Variants in SNX14 observed in about 807,000 individuals in gnomAD.
SNX14 encodes the protein sorting nexin 14.
SNX14 carries 93 observed loss-of-function variants against 133.8 expected under a neutral mutation model. The ratio of observed to expected loss-of-function variants is 0.70; its 90% confidence interval spans 0.59 to 0.83. The LOEUF (loss-of-function observed/expected upper bound fraction) is 0.83, where lower values mean the gene tolerates loss of function less well. Ranked by LOEUF, SNX14 falls within the 40% of genes least tolerant of loss-of-function variation. The pLI is 0.00. For missense variants in SNX14, 945 were observed against 1,094.9 expected (o/e 0.86, Z 1.93); for synonymous variants, 368 against 365.6 (o/e 1.01, Z -0.07).
Position 85,538,831 on chromosome 6 carries a change from G to T in SNX14, c.1475+7C>A. The T allele has an allele frequency of 6.3e-7, 1 of 1,594,434 alleles. No individual in the cohort carries two copies. Among genetic ancestry groups the T allele is most frequent in the South Asian group, 1.1e-5 (1 of 87,660 alleles). ...ATACTGAAAAGAATCACATGCTCAA[G>T]ACTTACCGAAAATCATCCAAACTTA... On this transcript the variant is annotated splice_region_variant and intron_variant, in intron 16 of 28. Transcript: ENST00000314673.
At chr6:85,528,071 T>G (rs1303924422) in intron 20 of SNX14, among the ~76,000 whole-genome samples, 191 bp downstream of exon 20, 3 of 151,990 alleles carry the variant, frequency 2.0e-5, no homozygotes, top group Non-Finnish European at 4.4e-5. Flanking sequence ...TTCATTCAAT[T>G]TGGAGGGAGG....
intron 1 of SNX14, among the ~76,000 whole-genome samples, chr6:85,583,486 T>C (rs1382146689): frequency 1.3e-5 from 2 of 152,204 alleles, no homozygotes; most frequent in Non-Finnish European, 2.9e-5. Flanking sequence ...ATGACATGAT[T>C]GTATATTTAG....
intron 17 of SNX14, among the ~76,000 whole-genome samples, chr6:85,534,825 GGGAAA>G (rs1781376881): frequency 9.8e-6 from 1 of 101,738 alleles, no homozygotes; most frequent in Non-Finnish European, 1.9e-5. Flanking sequence ...GGGGTGAAAA[GGGAAA>G]GTTTTTTTTT....
intron 23 of SNX14, among the ~76,000 whole-genome samples, chr6:85,516,143 T>A (rs190408738): frequency 5.3e-4 from 80 of 152,366 alleles, no homozygotes; most frequent in African/African-American, 1.4e-3. Context: ...ATCTTTATGT[T>A]GCTTTATAGT....
intron 1 of SNX14, among the ~76,000 whole-genome samples, chr6:85,593,089 T>C (rs1424912690): frequency 6.6e-6 from 1 of 152,200 alleles, no homozygotes; most frequent in African/African-American, 2.4e-5. Context: ...ATCTTTATGA[T>C]CGTCTGTTTT....
chr6:85,514,261 C>G lies in SNX14; in HGVS notation c.2393-27G>C, dbSNP rs774741343. The G allele has an allele frequency of 1.9e-6, 3 of 1,587,356 alleles. No individual in the cohort carries two copies. In the Admixed American group the frequency reaches 5.6e-5, roughly 30 times the overall value. On this transcript the variant is annotated intron_variant, in intron 24 of 28. Coordinates refer to ENST00000314673, the MANE Select transcript of SNX14 (RefSeq NM_153816.6). ...TGAGAAAGGATCAAATGGGATACCT[C>G]ATTGTTCCAGATGAATTGGTATTTT...
chr6:85,592,710 C>T (rs966443586), intron 1 of SNX14, among the ~76,000 whole-genome samples: 2 of 151,924 alleles, frequency 1.3e-5, no homozygotes, highest in African/African-American at 4.8e-5. Context: ...AGGGATGTGG[C>T]CGGGTGCGGT....
chr6:85,556,273 T>C (rs558699256), intron 7 of SNX14, among the ~76,000 whole-genome samples: 2 of 151,992 alleles, frequency 1.3e-5, no homozygotes, highest in Non-Finnish European at 2.9e-5. Context: ...AATTAAGTTA[T>C]GTGTACTTGG....
intron 21 of SNX14, among the ~76,000 whole-genome samples, chr6:85,519,642 G>C (rs183868175): frequency 6.6e-6 from 1 of 151,960 alleles, no homozygotes; most frequent in Non-Finnish European, 1.5e-5. Flanking sequence ...AGGCCGAGGC[G>C]GGCGGATCCC....
intron 1 of SNX14, among the ~76,000 whole-genome samples, chr6:85,591,533 G>C (rs1406342413): frequency 1.3e-5 from 2 of 152,128 alleles, no homozygotes; most frequent in Non-Finnish European, 2.9e-5. Context: ...GTACAGGTTA[G>C]ATGGTATACA....
At chr6:85,547,456 A>C (rs1786059262) in intron 10 of SNX14, 50 bp downstream of exon 10, 2 of 1,605,176 alleles carry the variant, frequency 1.2e-6, no homozygotes, top group Non-Finnish European at 1.7e-6. Context: ...GACATACAAA[A>C]TCAAAATTCA....
At chr6:85,542,271 C>T (rs1783993033) in intron 14 of SNX14, among the ~76,000 whole-genome samples, 1 of 152,198 alleles carries the variant, frequency 6.6e-6, no homozygotes, top group South Asian at 2.1e-4. Context: ...CACTGCAGTA[C>T]TACAAAGCCA....
chr6:85,593,807 G>A lies in SNX14; in HGVS notation c.-89C>T. The A allele has an allele frequency of 5.7e-6, 9 of 1,579,368 alleles. No individual in the cohort carries two copies. The highest frequency in any genetic ancestry group is 4.6e-5 in the East Asian group (2 of 43,348). ...CCACACCTCGCGTCCCCGCCCCACCGACTTGGCGGCGCACACAGACGCCTA... is the reference window on the plus strand; with the variant it reads ...CCACACCTCGCGTCCCCGCCCCACCAACTTGGCGGCGCACACAGACGCCTA... On this transcript the variant is annotated 5_prime_UTR_variant, in exon 1 of 29. Transcript: ENST00000314673.
At chr6:85,581,457 C>T (rs1799036079) in intron 1 of SNX14, 1 of 152,184 alleles carries the variant, frequency 6.6e-6, no homozygotes, top group African/African-American at 2.4e-5. Flanking sequence ...CATCCACAAG[C>T]ATCAAGACCA....
At chr6:85,586,458 C>A (rs1337464488) in intron 1 of SNX14, among the ~76,000 whole-genome samples, 1 of 152,160 alleles carries the variant, frequency 6.6e-6, no homozygotes, top group Non-Finnish European at 1.5e-5. Flanking sequence ...CCAATTAGAA[C>A]AACTGCACTA....
chr6:85,507,302 A>G lies in SNX14; in HGVS notation c.2746-13T>C, dbSNP rs762658391. On this transcript the variant is annotated splice_polypyrimidine_tract_variant and intron_variant, in intron 27 of 28. Coordinates refer to ENST00000314673, the MANE Select transcript of SNX14 (RefSeq NM_153816.6). ...AAACATAAGTCAGCTAAAGCACCAAAAAATAATAATAATAAATGTTAAGGC... is the reference window on the plus strand; with the variant it reads ...AAACATAAGTCAGCTAAAGCACCAAGAAATAATAATAATAAATGTTAAGGC... The G allele has an allele frequency of 9.4e-6, 15 of 1,596,814 alleles. No homozygotes were observed. The African/African-American group carries it at 1.5e-4, about 16-fold the overall frequency.
At chr6:85,577,248 T>C (rs1393891912) in intron 1 of SNX14, among the ~76,000 whole-genome samples, 1 of 151,946 alleles carries the variant, frequency 6.6e-6, no homozygotes, top group Non-Finnish European at 1.5e-5. Context: ...ACCGCATCTC[T>C]ACTAAAAATA....
chr6:85,558,168 A>G, intron 6 of SNX14, 108 bp from the exon 7 acceptor site: 1 of 618,746 alleles, frequency 1.6e-6, no homozygotes. Context: ...AGAAGTATTC[A>G]GAATCTTTCA....
chr6:85,547,515 A>C lies in SNX14; in HGVS notation c.903T>G (p.Asp301Glu), dbSNP rs1786095145. ...TATATTCAATACTCACTGGACTGTC[A>C]TCTATGAAGATGATAAGCAAATGAT... ...TVNHLLIIFI[D>E]DSPPEKATEP... Residue 301 changes from aspartate (D) to glutamate (E), a missense_variant, in exon 10 of 29, where the codon GAT becomes GAG. Asp to Glu is a conservative substitution (Grantham distance 45). Around this residue, in one of 3 missense-constraint regions of SNX14, gnomAD observed 514 missense variants for 538.8 expected, o/e 0.95. Transcript: ENST00000314673. 2 of 1,603,066 alleles carry C rather than the reference A, an allele frequency of 1.2e-6. No homozygotes were observed. The highest frequency in any genetic ancestry group is 3.5e-5 in the Admixed American group (2 of 57,320).
Sources: allele counts gnomAD v4.1 joint callset (sites outside exome capture counted in the v4.1 genomes callset), GRCh38; gene constraint gnomAD v4.1.1; regional missense constraint gnomAD v4.1.1; transcripts MANE v1.5; gene names NCBI Gene and HGNC (gene_info 2026-07-23, HGNC 2026-07-21).